AFG2A: variants seen among roughly 807,000 people sequenced by gnomAD.
AFG2A encodes the protein AAA ATPase AFG2A.
chr4:123,297,520 G>A, the AFG2A span, among the ~76,000 whole-genome samples: 1 of 152,114 alleles, frequency 6.6e-6, no homozygotes, highest in African/African-American at 2.4e-5. Context: ...AGGAGATCGA[G>A]ACCATCCTGG....
At chr4:123,232,453 G>A in the AFG2A span, among the ~76,000 whole-genome samples, 3 of 152,074 alleles carry the variant, frequency 2.0e-5, no homozygotes, top group East Asian at 5.8e-4. Flanking sequence ...GAAAATTAGG[G>A]CAAGATACAG....
At chr4:122,923,168 G>A in the AFG2A span, 5 of 1,614,098 alleles carry the variant, frequency 3.1e-6, no homozygotes, top group African/African-American at 6.7e-5. Flanking sequence ...AATAGAAAGC[G>A]GTTGAACCAA....
chr4:123,153,727 A>G, the AFG2A span, among the ~76,000 whole-genome samples: 1 of 152,216 alleles, frequency 6.6e-6, no homozygotes, highest in African/African-American at 2.4e-5. Context: ...AATAAGCACA[A>G]TAAAACCACA....
At chr4:123,216,823 T>G in the AFG2A span, among the ~76,000 whole-genome samples, 1 of 151,844 alleles carries the variant, frequency 6.6e-6, no homozygotes, top group Non-Finnish European at 1.5e-5. Context: ...CCTTGCCAGT[T>G]TTTTCAAATT....
the AFG2A span, among the ~76,000 whole-genome samples, chr4:122,961,061 A>T: frequency 0.012 from 1,836 of 152,292 alleles, 42 homozygotes; most frequent in African/African-American, 0.041. Context: ...CAGCTGATAA[A>T]CATTGAGCAA....
At chr4:123,237,958 G>A in the AFG2A span, among the ~76,000 whole-genome samples, 55 of 152,252 alleles carry the variant, frequency 3.6e-4, no homozygotes, top group African/African-American at 1.1e-3. Context: ...CTGGAATATC[G>A]CTACACTCCT....
At chr4:123,293,430 T>A in the AFG2A span, among the ~76,000 whole-genome samples, 1 of 152,144 alleles carries the variant, frequency 6.6e-6, no homozygotes, top group African/African-American at 2.4e-5. Context: ...GCTCCCTTGA[T>A]ATGGTACCCT....
the AFG2A span, among the ~76,000 whole-genome samples, chr4:123,027,116 G>A: frequency 6.6e-6 from 1 of 151,938 alleles, no homozygotes; most frequent in African/African-American, 2.4e-5. Flanking sequence ...TCTAGCTCAA[G>A]GTGTGTTTTT....
the AFG2A span, among the ~76,000 whole-genome samples, chr4:123,013,837 T>C: frequency 2.0e-5 from 3 of 152,320 alleles, no homozygotes; most frequent in Non-Finnish European, 4.4e-5. Context: ...GCACCAAACA[T>C]ATGTAATATA....
the AFG2A span, among the ~76,000 whole-genome samples, chr4:123,174,819 T>TTA: frequency 0.42 from 59,765 of 143,178 alleles, 14,866 homozygotes; most frequent in Non-Finnish European, 0.55. Context: ...TGATCTTTTT[T>TTA]AAAAAAAATA....
the AFG2A span, among the ~76,000 whole-genome samples, chr4:123,005,347 C>T: frequency 0.82 from 124,060 of 152,016 alleles, 52,219 homozygotes; most frequent in East Asian, 0.96. Flanking sequence ...GAAGGGTTTT[C>T]GCCATGTTAG....
the AFG2A span, among the ~76,000 whole-genome samples, chr4:123,284,270 C>A: frequency 6.6e-6 from 1 of 152,112 alleles, no homozygotes; most frequent in Non-Finnish European, 1.5e-5. Context: ...TGCAGACACC[C>A]CCGATTATCT....
At chr4:123,252,364 A>G in the AFG2A span, among the ~76,000 whole-genome samples, 1 of 152,208 alleles carries the variant, frequency 6.6e-6, no homozygotes, top group African/African-American at 2.4e-5. Flanking sequence ...AAAACAAATT[A>G]ACTATGAGAT....
chr4:122,961,275 A>G, the AFG2A span, among the ~76,000 whole-genome samples: 1 of 152,090 alleles, frequency 6.6e-6, no homozygotes, highest in Non-Finnish European at 1.5e-5. Context: ...TAAAAATTGT[A>G]TTTTACGTAT....
At chr4:122,954,322 C>T in the AFG2A span, among the ~76,000 whole-genome samples, 4 of 152,206 alleles carry the variant, frequency 2.6e-5, no homozygotes, top group African/African-American at 9.6e-5. Flanking sequence ...CTGAACCCAC[C>T]TTCTGCCCAG....
At chr4:123,127,424 T>C in the AFG2A span, among the ~76,000 whole-genome samples, 1 of 152,196 alleles carries the variant, frequency 6.6e-6, no homozygotes. Flanking sequence ...ATTAAAATTT[T>C]CTCTGTGTTT....
chr4:123,019,470 G>C, the AFG2A span, among the ~76,000 whole-genome samples: 1 of 152,206 alleles, frequency 6.6e-6, no homozygotes, highest in Admixed American at 6.5e-5. Context: ...ATTACTTTTA[G>C]GTATTGGCAT....
the AFG2A span, among the ~76,000 whole-genome samples, chr4:123,301,641 A>G: frequency 5.3e-5 from 8 of 152,312 alleles, 1 homozygote; most frequent in Admixed American, 4.6e-4. Flanking sequence ...TTCTCACTCT[A>G]TGTTATGTGC....
chr4:123,258,291 C>T, the AFG2A span, among the ~76,000 whole-genome samples: 3 of 152,126 alleles, frequency 2.0e-5, no homozygotes, highest in Non-Finnish European at 4.4e-5. Context: ...GCAGTTCACA[C>T]AGTTGTTTTA....
Sources: allele counts gnomAD v4.1 joint callset (sites outside exome capture counted in the v4.1 genomes callset), GRCh38; gene constraint gnomAD v4.1.1; transcripts MANE v1.5; gene names NCBI Gene and HGNC (gene_info 2026-07-23, HGNC 2026-07-21).